PAPPA2: variants seen among roughly 807,000 people sequenced by gnomAD.
The protein encoded by PAPPA2 is pappalysin-2.
Under a neutral mutation model 176.4 loss-of-function variants are expected in PAPPA2, and 86 were observed. The observed-to-expected ratio is 0.49, with a 90% CI of 0.41 to 0.58. The LOEUF (loss-of-function observed/expected upper bound fraction) is 0.58, where lower values mean the gene tolerates loss of function less well. PAPPA2 is among the 20% of genes least tolerant of loss of function. The probability of loss-of-function intolerance (pLI) is 0.00; values close to 1 mark genes in which losing one functional copy is unlikely to be tolerated. For synonymous variants in PAPPA2, 809 were observed against 852.2 expected, an observed-to-expected ratio of 0.95 and a Z score of 0.88; for missense variants, 2,073 against 2,256.9, an observed-to-expected ratio of 0.92 and a Z score of 1.65.
chr1:176,613,341 A>T (rs891120743), intron 3 of PAPPA2, among the ~76,000 whole-genome samples: 2 of 152,218 alleles, frequency 1.3e-5, no homozygotes, highest in Admixed American at 1.3e-4. Flanking sequence ...TCACTGCTGG[A>T]CCATGGGGAC....
intron 21 of PAPPA2, among the ~76,000 whole-genome samples, chr1:176,803,280 C>T (rs543920790): frequency 4.0e-4 from 61 of 152,148 alleles, no homozygotes; most frequent in Non-Finnish European, 8.1e-4. Context: ...GCATACATAA[C>T]GCATTGAGTG....
intron 20 of PAPPA2, 89 bp from the exon 21 acceptor site, chr1:176,799,972 A>T: frequency 3.9e-6 from 5 of 1,295,908 alleles, no homozygotes; most frequent in Non-Finnish European, 5.6e-6. Flanking sequence ...ATGGAGTTGG[A>T]CTCCTGTGGT....
intron 21 of PAPPA2, among the ~76,000 whole-genome samples, chr1:176,828,105 G>C (rs1666926972): frequency 6.6e-6 from 1 of 152,068 alleles, no homozygotes; most frequent in African/African-American, 2.4e-5. Context: ...ATATCAGGAT[G>C]GTCAGGGCAC....
chr1:176,699,994 C>T (rs1282848819), intron 8 of PAPPA2, among the ~76,000 whole-genome samples: 1 of 152,200 alleles, frequency 6.6e-6, no homozygotes, highest in African/African-American at 2.4e-5. Flanking sequence ...TATTGCTATG[C>T]AAGGAGGCCG....
At chr1:176,768,192 C>T (rs1157448679) in intron 15 of PAPPA2, among the ~76,000 whole-genome samples, 1 of 152,134 alleles carries the variant, frequency 6.6e-6, no homozygotes, top group Non-Finnish European at 1.5e-5. Flanking sequence ...TCTCCAGGTC[C>T]TGCCTTGTTA....
chr1:176,649,148 T>C (rs1262040166), intron 3 of PAPPA2, among the ~76,000 whole-genome samples: 1 of 151,496 alleles, frequency 6.6e-6, no homozygotes, highest in Non-Finnish European at 1.5e-5. Flanking sequence ...TATTTCTTCA[T>C]GGTTCAATCT....
intron 1 of PAPPA2, among the ~76,000 whole-genome samples, chr1:176,551,462 G>A (rs1650946155): frequency 6.6e-6 from 1 of 152,144 alleles, no homozygotes; most frequent in Admixed American, 6.5e-5. Context: ...AAGTCAAAGA[G>A]GATCAGTGAC....
At chr1:176,815,191 G>A (rs1381421695) in intron 21 of PAPPA2, among the ~76,000 whole-genome samples, 1 of 152,136 alleles carries the variant, frequency 6.6e-6, no homozygotes, top group Non-Finnish European at 1.5e-5. Flanking sequence ...ACACTCCTAA[G>A]TTGATTACAA....
At chr1:176,693,041 A>AACAGG (rs1195031010) in intron 6 of PAPPA2, among the ~76,000 whole-genome samples, 2 of 152,222 alleles carry the variant, frequency 1.3e-5, no homozygotes, top group Non-Finnish European at 1.5e-5. Context: ...AATAACAGAT[A>AACAGG]AATTTTTGTA....
At chr1:176,621,915 G>A (rs895228109) in intron 3 of PAPPA2, among the ~76,000 whole-genome samples, 12 of 152,092 alleles carry the variant, frequency 7.9e-5, no homozygotes, top group Non-Finnish European at 1.5e-4. Flanking sequence ...CCTTTATGGT[G>A]TTCTCATTAA....
chr1:176,507,129 A>C (rs1484676986), intron 1 of PAPPA2, among the ~76,000 whole-genome samples: 2 of 152,146 alleles, frequency 1.3e-5, no homozygotes, highest in Non-Finnish European at 2.9e-5. Flanking sequence ...AGGGCAAAAG[A>C]CATGAACAGA....
chr1:176,721,954 T>G (rs1014329649), intron 12 of PAPPA2, among the ~76,000 whole-genome samples: 2 of 152,164 alleles, frequency 1.3e-5, no homozygotes, highest in African/African-American at 4.8e-5. Flanking sequence ...TGCTGTCGTC[T>G]GATTATTTTA....
At chr1:176,739,869 A>G in intron 13 of PAPPA2, 108 bp downstream of exon 13, 9 of 1,562,770 alleles carry the variant, frequency 5.8e-6, no homozygotes, top group Non-Finnish European at 7.9e-6. Flanking sequence ...CCTACATCAT[A>G]CATCTAGGTT....
chr1:176,681,644 A>G lies in PAPPA2; in HGVS notation c.2138-8493A>G, dbSNP rs140559789. On this transcript the variant is annotated intron_variant, in intron 4 of 22. Coordinates refer to ENST00000367662, the MANE Select transcript of PAPPA2 (RefSeq NM_020318.3). Reference sequence around the variant, plus strand: ...TGTACCAGTAGTAGAAGCTCCAAATATGGTGTATCTGTGGTTGCCCTTCCT... The same window carrying G: ...TGTACCAGTAGTAGAAGCTCCAAATGTGGTGTATCTGTGGTTGCCCTTCCT... 3.4e-3 allele frequency among the ~76,000 whole-genome samples: 515 copies of G among 152,244 alleles called. 3 individuals carry two copies. Among genetic ancestry groups the G allele is most frequent in the African/African-American group, 0.011 (477 of 41,540 alleles).
intron 17 of PAPPA2, among the ~76,000 whole-genome samples, chr1:176,782,916 A>G (rs1171510277): frequency 4.6e-5 from 7 of 152,196 alleles, no homozygotes; most frequent in African/African-American, 7.2e-5. Context: ...GCTGAAGTAT[A>G]GAGACAATTT....
intron 21 of PAPPA2, among the ~76,000 whole-genome samples, chr1:176,807,438 A>C (rs907776977): frequency 1.3e-5 from 2 of 152,128 alleles, no homozygotes; most frequent in African/African-American, 4.8e-5. Context: ...TTTAGAAAAA[A>C]AGAAGTTGAA....
At chr1:176,675,985 A>G (rs1048651639) in intron 4 of PAPPA2, among the ~76,000 whole-genome samples, 1 of 152,080 alleles carries the variant, frequency 6.6e-6, no homozygotes, top group Non-Finnish European at 1.5e-5. Context: ...AACAATGTTC[A>G]ATAAAATTAA....
chr1:176,463,821 C>T (rs1163867900), intron 1 of PAPPA2, among the ~76,000 whole-genome samples: 1 of 152,162 alleles, frequency 6.6e-6, no homozygotes, highest in African/African-American at 2.4e-5. Context: ...TATTCACATC[C>T]TCTGCAGACA....
intron 14 of PAPPA2, among the ~76,000 whole-genome samples, chr1:176,745,051 T>G (rs372128739): frequency 2.0e-5 from 3 of 152,206 alleles, no homozygotes; most frequent in African/African-American, 7.2e-5. Context: ...ATCTTTATTT[T>G]TTGCCAATCA....
Sources: allele counts gnomAD v4.1 joint callset (sites outside exome capture counted in the v4.1 genomes callset), GRCh38; gene constraint gnomAD v4.1.1; transcripts MANE v1.5; gene names NCBI Gene and HGNC (gene_info 2026-07-23, HGNC 2026-07-21).